Variants in PCDH15 observed in about 807,000 individuals in gnomAD.
PCDH15 encodes protocadherin related 15, also known as protocadherin-15.
In PCDH15, 129 loss-of-function variants were observed where a neutral mutation model predicts 178.5. The ratio of observed to expected loss-of-function variants is 0.72; its 90% CI spans 0.63 to 0.84. The LOEUF (loss-of-function observed/expected upper bound fraction) is 0.84, where lower values mean the gene tolerates loss of function less well. PCDH15 is among the 40% of genes least tolerant of loss of function. The probability of loss-of-function intolerance (pLI) is 0.00; values close to 1 mark genes in which losing one functional copy is unlikely to be tolerated. For synonymous variants in PCDH15, 800 were observed against 732.0 expected (o/e 1.09, Z -1.50); for missense variants, 2,230 against 2,099.9 (o/e 1.06, Z -1.21).
At chr10:55,611,840 TAAAAAGGAGAAAA>T (rs1843373664) in intron 2 of PCDH15, among the ~76,000 whole-genome samples, 1 of 152,036 alleles carries the variant, frequency 6.6e-6, no homozygotes, top group South Asian at 2.1e-4. Context: ...ATTCAGCTTT[TAAAAAGGAGAAAA>T]TTCTGTCATT....
intron 27 of PCDH15, among the ~76,000 whole-genome samples, chr10:53,864,190 G>T (rs546274781): frequency 6.6e-6 from 1 of 152,226 alleles, no homozygotes; most frequent in East Asian, 1.9e-4. Flanking sequence ...ACTTCCTAAA[G>T]CTAAATCAAA....
At chr10:54,152,463 A>T (rs910494231) in intron 14 of PCDH15, among the ~76,000 whole-genome samples, 15 of 152,012 alleles carry the variant, frequency 9.9e-5, no homozygotes, top group African/African-American at 3.1e-4. Flanking sequence ...GAAAAAAATA[A>T]TCTGAAGGAT....
chr10:55,593,976 T>C (rs973823349), intron 2 of PCDH15, among the ~76,000 whole-genome samples: 1 of 151,874 alleles, frequency 6.6e-6, no homozygotes, highest in African/African-American at 2.4e-5. Flanking sequence ...AGGAATTAGA[T>C]GTCAGACATG....
intron 3 of PCDH15, among the ~76,000 whole-genome samples, chr10:54,826,087 T>A (rs970995286): frequency 1.1e-4 from 17 of 152,074 alleles, no homozygotes; most frequent in African/African-American, 4.1e-4. Flanking sequence ...ACTTAGTAGT[T>A]AGTGCTTCTT....
At chr10:55,302,199 C>T (rs1032084708) in intron 1 of PCDH15, among the ~76,000 whole-genome samples, 1 of 150,994 alleles carries the variant, frequency 6.6e-6, no homozygotes, top group Admixed American at 6.6e-5. Context: ...GCATAATTAC[C>T]ATGCTGAATA....
chr10:54,979,296 A>G (rs570220970), intron 2 of PCDH15, among the ~76,000 whole-genome samples: 14 of 152,314 alleles, frequency 9.2e-5, no homozygotes, highest in Non-Finnish European at 2.1e-4. Context: ...ATTGACTTCA[A>G]ATTATTTGAA....
intron 2 of PCDH15, among the ~76,000 whole-genome samples, chr10:55,609,200 TGA>T: frequency 6.6e-6 from 1 of 152,082 alleles, no homozygotes; most frequent in African/African-American, 2.4e-5. Context: ...CAAAAACAGA[TGA>T]GAGAGGATTT....
intron 2 of PCDH15, among the ~76,000 whole-genome samples, chr10:55,508,612 T>C (rs1050471129): frequency 6.6e-6 from 1 of 151,812 alleles, no homozygotes; most frequent in African/African-American, 2.4e-5. Context: ...TCTTTGAACA[T>C]AACTTCAGAT....
intron 2 of PCDH15, among the ~76,000 whole-genome samples, chr10:54,645,981 TC>T (rs1565840134): frequency 6.6e-6 from 1 of 152,082 alleles, no homozygotes; most frequent in African/African-American, 2.4e-5. Context: ...ATTAATATTT[TC>T]AGGATTTGAA....
chr10:54,006,735 T>C (rs2092399087), intron 20 of PCDH15, among the ~76,000 whole-genome samples: 1 of 152,184 alleles, frequency 6.6e-6, no homozygotes, highest in Non-Finnish European at 1.5e-5. Context: ...GCAATATTTC[T>C]TTCTGGAGAA....
At chr10:54,869,935 C>T (rs535150712) in intron 3 of PCDH15, among the ~76,000 whole-genome samples, 28 of 152,274 alleles carry the variant, frequency 1.8e-4, no homozygotes, top group East Asian at 7.7e-4. Context: ...ATACTCCATC[C>T]GCTTGAAAAT....
intron 27 of PCDH15, among the ~76,000 whole-genome samples, chr10:53,858,413 G>A (rs1416715954): frequency 6.6e-6 from 1 of 152,082 alleles, no homozygotes; most frequent in Non-Finnish European, 1.5e-5. Flanking sequence ...AGAAAGAAGT[G>A]TAAGTAACAA....
At chr10:54,062,613 T>G (rs2094053733) in intron 18 of PCDH15, among the ~76,000 whole-genome samples, 1 of 152,122 alleles carries the variant, frequency 6.6e-6, no homozygotes, top group Non-Finnish European at 1.5e-5. Flanking sequence ...TTAGTTTTTA[T>G]GAAAACAAGT....
chr10:54,513,322 G>C (rs1280878239), intron 3 of PCDH15, among the ~76,000 whole-genome samples: 1 of 151,542 alleles, frequency 6.6e-6, no homozygotes, highest in African/African-American at 2.4e-5. Context: ...GTGCAGTGGT[G>C]CAATCTCGGC....
At chr10:55,090,592 T>A (rs1842292299) in intron 2 of PCDH15, among the ~76,000 whole-genome samples, 1 of 152,046 alleles carries the variant, frequency 6.6e-6, no homozygotes, top group Non-Finnish European at 1.5e-5. Context: ...CAAGAAGAGA[T>A]CCTCCTGTTC....
At chr10:54,270,281 C>T (rs1321523319) in intron 8 of PCDH15, among the ~76,000 whole-genome samples, 2 of 152,068 alleles carry the variant, frequency 1.3e-5, no homozygotes, top group African/African-American at 4.8e-5. Context: ...CAACCTCTTC[C>T]CTTGACTGTC....
chr10:55,272,264 T>C (rs542023872), intron 1 of PCDH15, among the ~76,000 whole-genome samples: 67 of 151,980 alleles, frequency 4.4e-4, no homozygotes, highest in African/African-American at 1.4e-3. Context: ...TTTTAGAATA[T>C]GGTTAAGTTG....
At chr10:54,081,350 T>C (rs1172547642) in intron 16 of PCDH15, among the ~76,000 whole-genome samples, 1 of 151,868 alleles carries the variant, frequency 6.6e-6, no homozygotes. Context: ...TTAGGATATA[T>C]AATACTATAT....
rs185126310 is a variant in PCDH15, at chr10:55,179,782, G to C, written c.-155-13131C>G. 5.8e-3 allele frequency among the ~76,000 whole-genome samples: 888 copies of C among 151,970 alleles called. 5 individuals carry two copies. Among genetic ancestry groups the C allele is most frequent in the Middle Eastern group, 0.01 (3 of 294 alleles). On this transcript the variant is annotated intron_variant, in intron 1 of 5. Coordinates refer to the PCDH15 transcript ENST00000458638. The stretch of plus-strand genomic sequence containing the variant: ...TATTGTTTCTGCTTGCTGATCTGCA[G>C]GTGGCAGGAGTAAAAGAGCTGTAAC...
Sources: gnomAD v4.1 joint callset for allele counts (sites outside exome capture counted in the v4.1 genomes callset) on GRCh38, gnomAD v4.1.1 for gene constraint, MANE v1.5 for transcripts, NCBI Gene and HGNC (gene_info 2026-07-23, HGNC 2026-07-21) for gene names.